Variants in TPRG1 observed in about 807,000 individuals in gnomAD.
TPRG1 encodes the protein tumor protein p63 regulated 1.
In TPRG1, 29 loss-of-function variants were observed where a neutral mutation model predicts 29.3. The ratio of observed to expected loss-of-function variants is 0.99; its 90% CI spans 0.74 to 1.35. The LOEUF (loss-of-function observed/expected upper bound fraction) is 1.35. Ranked by LOEUF, TPRG1 falls within the 40% of genes most tolerant of loss-of-function variation. The pLI is 0.00. For missense variants in TPRG1, 327 were observed against 335.0 expected (o/e 0.98, Z 0.19); for synonymous variants, 130 against 116.8 (o/e 1.11, Z -0.73).
intron 1 of TPRG1, among the ~76,000 whole-genome samples, chr3:189,110,409 G>A (rs528267907): frequency 2.0e-5 from 3 of 151,998 alleles, no homozygotes; most frequent in African/African-American, 7.2e-5. Context: ...GTAAATGTTG[G>A]GTTTTTAGAC....
chr3:189,121,220 C>A (rs796270049), intron 1 of TPRG1: 17 of 152,240 alleles, frequency 1.1e-4, no homozygotes, highest in African/African-American at 4.1e-4. Context: ...AGTAAATAAT[C>A]TAATTTACGT....
chr3:189,032,548 C>A (rs191300293), intron 4 of TPRG1, among the ~76,000 whole-genome samples: 352 of 152,188 alleles, frequency 2.3e-3, no homozygotes, highest in African/African-American at 7.6e-3. Flanking sequence ...GAGAGTTTTG[C>A]TCCACCAGTT....
chr3:189,157,060 T>G (rs1726783605), intron 5 of TPRG1, among the ~76,000 whole-genome samples: 2 of 152,322 alleles, frequency 1.3e-5, no homozygotes, highest in African/African-American at 4.8e-5. Flanking sequence ...TTGACTGGCT[T>G]TGCTATTCAC....
chr3:189,030,167 G>A (rs1379781151), intron 4 of TPRG1, among the ~76,000 whole-genome samples: 3 of 152,092 alleles, frequency 2.0e-5, no homozygotes, highest in Admixed American at 1.3e-4. Flanking sequence ...CTGGGTTTGA[G>A]TCTTGCGTTT....
intron 2 of TPRG1, among the ~76,000 whole-genome samples, chr3:189,130,361 A>G (rs1722969998): frequency 6.6e-6 from 1 of 152,210 alleles, no homozygotes; most frequent in South Asian, 2.1e-4. Flanking sequence ...ATTGCTCCTC[A>G]TTAAGGAAAT....
At chr3:189,149,393 A>G (rs989097531) in intron 4 of TPRG1, among the ~76,000 whole-genome samples, 4 of 152,188 alleles carry the variant, frequency 2.6e-5, no homozygotes, top group East Asian at 1.9e-4. Context: ...CATTCCAAGA[A>G]CAGCACTCTG....
rs142747127 is a variant in TPRG1, at chr3:189,249,124, TTA to T, written c.479+10228_479+10229del. Among the ~76,000 whole-genome samples, 51 of 150,570 alleles carry T rather than the reference TTA, an allele frequency of 3.4e-4. No homozygotes were observed. The South Asian group carries it at 5.7e-3, about 17-fold the overall frequency. On this transcript the variant is annotated intron_variant, in intron 4 of 5. Transcript: ENST00000345063. ...CTTGGTCTGTTTAGTAATAAATGTT[TTA>T]TATATATATATAGCTACATTTAGTT... is the stretch of plus-strand genomic sequence containing the variant.
chr3:189,292,975 G>A lies in TPRG1; in HGVS notation c.480-17411G>A, dbSNP rs73055994. On this transcript the variant is annotated intron_variant, in intron 4 of 5. Coordinates refer to ENST00000345063, the MANE Select transcript of TPRG1 (RefSeq NM_198485.4). ...ACAGGCCAAAATTCAGGCATTCTGGGGTCCCACATGTGCTTGTTTTGGCCC... is the reference window on the plus strand; with the variant it reads ...ACAGGCCAAAATTCAGGCATTCTGGAGTCCCACATGTGCTTGTTTTGGCCC... Among the ~76,000 whole-genome samples the A allele has an allele frequency of 9.9e-3, 1,506 of 152,214 alleles. 27 individuals are homozygous for A. Among genetic ancestry groups the A allele is most frequent in the African/African-American group, 0.035 (1,461 of 41,508 alleles).
At chr3:189,205,541 T>C (rs565921941) in intron 1 of TPRG1, among the ~76,000 whole-genome samples, 9 of 152,372 alleles carry the variant, frequency 5.9e-5, no homozygotes, top group Middle Eastern at 3.4e-3. Context: ...GGAAGCTTGC[T>C]GGGGATAGGG....
intron 4 of TPRG1, among the ~76,000 whole-genome samples, chr3:189,295,496 C>CAA (rs368195264): frequency 8.5e-4 from 73 of 85,498 alleles, no homozygotes; most frequent in Non-Finnish European, 9.8e-4. Flanking sequence ...ACTCAGATTG[C>CAA]AAAAAAAAAA....
chr3:189,100,379 C>T (rs774471275), intron 1 of TPRG1, among the ~76,000 whole-genome samples: 2 of 152,166 alleles, frequency 1.3e-5, no homozygotes, highest in Non-Finnish European at 2.9e-5. Context: ...AATGAAAAAT[C>T]ATTCAAGGGT....
intron 4 of TPRG1, among the ~76,000 whole-genome samples, chr3:189,273,399 A>G (rs1354450045): frequency 6.6e-6 from 1 of 152,166 alleles, no homozygotes; most frequent in Non-Finnish European, 1.5e-5. Context: ...CAGGGAAAAT[A>G]CTGCAGAGAG....
At position 189,177,368 on chromosome 3, in the gene TPRG1, G is replaced by A. The variant is rs9813461; in HGVS notation, c.-10+5237G>A. 5.1e-3 allele frequency among the ~76,000 whole-genome samples: 773 copies of A among 151,792 alleles called. 5 individuals are homozygous for A. The highest frequency in any genetic ancestry group is 8.7e-3 in the Non-Finnish European group (590 of 67,952). On this transcript the variant is annotated intron_variant, in intron 1 of 5. Coordinates refer to ENST00000345063, the MANE Select transcript of TPRG1 (RefSeq NM_198485.4). The stretch of plus-strand genomic sequence containing the variant: ...GGTATTCAGTGAGGATATCAGAGCC[G>A]AAGATAAAAAATGGGAATCATATAT...
intron 1 of TPRG1, among the ~76,000 whole-genome samples, chr3:189,196,986 A>C (rs1475820809): frequency 1.3e-5 from 2 of 152,208 alleles, no homozygotes; most frequent in South Asian, 4.1e-4. Context: ...CAAAACTCCC[A>C]GGCAAGAACA....
chr3:189,176,462 T>A (rs781146734), intron 1 of TPRG1, among the ~76,000 whole-genome samples: 61 of 152,072 alleles, frequency 4.0e-4, no homozygotes, highest in Non-Finnish European at 7.8e-4. Context: ...TGAAAAAAAA[T>A]AATAATCTCT....
intron 1 of TPRG1, among the ~76,000 whole-genome samples, chr3:189,123,933 C>A (rs1274286023): frequency 1.3e-5 from 2 of 152,180 alleles, no homozygotes; most frequent in Non-Finnish European, 2.9e-5. Context: ...TCAAGGCTGG[C>A]AACTCACCTA....
At chr3:189,214,759 A>G (rs994734196) in intron 2 of TPRG1, among the ~76,000 whole-genome samples, 2 of 152,182 alleles carry the variant, frequency 1.3e-5, no homozygotes, top group Admixed American at 1.3e-4. Context: ...TGAACTTACT[A>G]GAACAGATGA....
At chr3:189,113,912 G>A (rs1459817745) in intron 1 of TPRG1, among the ~76,000 whole-genome samples, 1 of 135,826 alleles carries the variant, frequency 7.4e-6, no homozygotes, top group South Asian at 2.4e-4. Context: ...AAAACTTAAA[G>A]TATAATAATA....
chr3:189,020,463 T>G (rs1336622224), intron 3 of TPRG1, among the ~76,000 whole-genome samples: 2 of 150,924 alleles, frequency 1.3e-5, no homozygotes, highest in African/African-American at 4.9e-5. Context: ...AGAACATCTT[T>G]ATTTCTGCCT....
Sources: allele counts gnomAD v4.1 joint callset (sites outside exome capture counted in the v4.1 genomes callset), GRCh38; gene constraint gnomAD v4.1.1; transcripts MANE v1.5; gene names NCBI Gene and HGNC (gene_info 2026-07-23, HGNC 2026-07-21).